Variants in ZNF662 observed in about 807,000 individuals in gnomAD.
The protein encoded by ZNF662 is zinc finger protein 662.
Under a neutral mutation model 12.4 loss-of-function variants are expected in ZNF662, and 14 were observed. The ratio of observed to expected loss-of-function variants is 1.13; its 90% CI spans 0.75 to 1.77. ZNF662 has a LOEUF of 1.77. Ranked by LOEUF, ZNF662 falls within the 40% of genes most tolerant of loss-of-function variation. ZNF662 has a pLI of 0.00. For synonymous variants in ZNF662, 184 were observed against 176.4 expected (o/e 1.04, Z -0.34); for missense variants, 550 against 515.6 (o/e 1.07, Z -0.65).
chr3:42,912,693 A>ATATATAAATATATATATATT (rs377231571), intron 3 of ZNF662, among the ~76,000 whole-genome samples: 1 of 53,094 alleles, frequency 1.9e-5, no homozygotes, highest in Admixed American at 4.1e-4. Context: ...ATATATATAT[A>ATATATAAATATATATATATT]TTTTATATAT....
rs1207052505 is a variant in ZNF662, at chr3:42,915,412, A to T, written c.*58A>T. On this transcript the variant is annotated 3_prime_UTR_variant, in exon 5 of 5. Coordinates refer to ENST00000440367, the MANE Select transcript of ZNF662 (RefSeq NM_207404.4). ...CTTATGCTGCAGGAACCCTAGAGAC[A>T]AAATGAGATGACCATTCACAATTTG... The T allele has an allele frequency of 6.8e-7, 1 of 1,469,870 alleles. No individual in the cohort carries two copies. Among genetic ancestry groups the T allele is most frequent in the Non-Finnish European group, 9.1e-7 (1 of 1,094,398 alleles). The allele number at this position is 1,469,870 out of a possible 1,614,324, so 91.1% of individuals were successfully genotyped here.
chr3:42,917,397 A>C lies in ZNF662; in HGVS notation c.*2043A>C, dbSNP rs937543412. ...ATATTATCTGTCCTCTGTGTGGCAC[A>C]TAGGAAAATGTGAGACCTAGAATTA... On this transcript the variant is annotated 3_prime_UTR_variant, in exon 5 of 5. Transcript: ENST00000440367. 1 of 653,096 alleles carries C rather than the reference A, an allele frequency of 1.5e-6. No individual in the cohort carries two copies. The highest frequency in any genetic ancestry group is 1.8e-5 in the African/African-American group (1 of 54,870). The allele number at this position is 653,096 out of a possible 1,614,324, so 40.5% of individuals were successfully genotyped here. A position where few individuals can be genotyped will look rare whatever the true frequency, so the allele number is the denominator to read the frequency against.
Position 42,915,284 on chromosome 3 carries a change from T to C in ZNF662, c.1211T>C (p.Ile404Thr), listed in dbSNP as rs571864808. ...GKAFSQNSVL[I>T]KHQRRHARDK... is the part of the protein sequence containing the mutation. Reference sequence around the variant, plus strand: ...GCCTTCAGTCAGAATTCTGTCTTAATTAAGCACCAGAGGCGCCATGCTAGA... The same window carrying C: ...GCCTTCAGTCAGAATTCTGTCTTAACTAAGCACCAGAGGCGCCATGCTAGA... The change falls in exon 5 of 5, where the codon ATT becomes ACT. Residue 404 changes from isoleucine (I) to threonine (T), a missense_variant. Ile to Thr is a moderately conservative substitution (Grantham distance 89). Coordinates refer to ENST00000440367, the MANE Select transcript of ZNF662 (RefSeq NM_207404.4). 3 of 1,612,816 alleles carry C rather than the reference T, an allele frequency of 1.9e-6. No homozygotes were observed. The African/African-American group carries it at 4.0e-5, about 22-fold the overall frequency.
rs972509860 is a variant in ZNF662, at chr3:42,917,470, G to A, written c.*2116G>A. 4 of 689,852 alleles carry A rather than the reference G, an allele frequency of 5.8e-6. No homozygotes were observed. The East Asian group carries it at 8.1e-5, about 14-fold the overall frequency. 42.7% of individuals were successfully genotyped at this position (689,852 alleles called of 1,614,324 possible). A position where few individuals can be genotyped will look rare whatever the true frequency, so the allele number is the denominator to read the frequency against. On this transcript the variant is annotated 3_prime_UTR_variant, in exon 5 of 5. Coordinates refer to ENST00000440367, the MANE Select transcript of ZNF662 (RefSeq NM_207404.4). Reference sequence around the variant, plus strand: ...AAAGGGGAGATTCTCAAGCTTCCAGGTGCTACCATATGGAGCCTAAGGATA... The same window carrying A: ...AAAGGGGAGATTCTCAAGCTTCCAGATGCTACCATATGGAGCCTAAGGATA...
At position 42,906,158 on chromosome 3, in the gene ZNF662, G is replaced by A. The variant is rs2088674978; in HGVS notation, c.-104G>A. The A allele has an allele frequency of 1.9e-6, 1 of 535,004 alleles. No individual in the cohort carries two copies. The highest frequency in any genetic ancestry group is 2.0e-5 in the African/African-American group (1 of 49,394). 33.1% of individuals were successfully genotyped at this position (535,004 alleles called of 1,614,324 possible). A position where few individuals can be genotyped will look rare whatever the true frequency, so the allele number is the denominator to read the frequency against. ...CCGAGCCCCGGCCTCCCGGATGCTGGGGCCTGGCGGGTGTGGAGCACGGGG... is the reference window on the plus strand; with the variant it reads ...CCGAGCCCCGGCCTCCCGGATGCTGAGGCCTGGCGGGTGTGGAGCACGGGG... On this transcript the variant is annotated 5_prime_UTR_variant, in exon 1 of 5. Coordinates refer to ENST00000440367, the MANE Select transcript of ZNF662 (RefSeq NM_207404.4). The surrounding 1 kb of genome is among the most constrained non-coding windows in gnomAD (Gnocchi z 4.4).
rs570570957 is a variant in ZNF662 at position 42,917,179 on chromosome 3, C to T, written c.*1825C>T. 8.4e-5 allele frequency: 27 copies of T among 321,762 alleles called. No homozygotes were observed. Among genetic ancestry groups the T allele is most frequent in the Middle Eastern group, 8.3e-4 (1 of 1,208 alleles). 19.9% of individuals were successfully genotyped at this position (321,762 alleles called of 1,614,324 possible). ...CCCCTTCTCTCTGGGAACAGTTACC[C>T]GGGTATTCTTTGGGAAGCTATCCTT... On this transcript the variant is annotated 3_prime_UTR_variant, in exon 5 of 5. Coordinates refer to ENST00000440367, the MANE Select transcript of ZNF662 (RefSeq NM_207404.4).
intron 2 of ZNF662, chr3:42,908,591 A>G: frequency 7.0e-6 from 10 of 1,421,314 alleles, no homozygotes; most frequent in Non-Finnish European, 9.2e-6. Flanking sequence ...TCAAACAGTT[A>G]CTGAGTCGTC....
rs1394063840 is a variant in ZNF662 at position 42,918,557 on chromosome 3, C to G, written c.*3203C>G. ...CATCATGGGCATGTTTAGGCAATCC[C>G]CCTGTGCACAATGACCTGGGCAGCA... On this transcript the variant is annotated 3_prime_UTR_variant, in exon 5 of 5. Transcript: ENST00000440367. 6.6e-6 allele frequency among the ~76,000 whole-genome samples: 1 copy of G among 152,158 alleles called. No homozygotes were observed. The highest frequency in any genetic ancestry group is 2.4e-5 in the African/African-American group (1 of 41,424).
intron 4 of ZNF662, 87 bp from the exon 5 acceptor site, chr3:42,914,240 G>A: frequency 8.3e-7 from 1 of 1,200,496 alleles, no homozygotes; most frequent in Non-Finnish European, 1.2e-6. Flanking sequence ...CACTTGGAGA[G>A]AAGTGGACGT....
rs1020749670 is a variant in ZNF662 at position 42,913,034 on chromosome 3, C to T, written c.152-167C>T. On this transcript the variant is annotated intron_variant, in intron 3 of 4. Transcript: ENST00000440367. ...CTGGGAATACAGGTGTGAGCCACCA[C>T]GCCCAGCCTATCCTTATTATTCTGT... 5.0e-4 allele frequency among the ~76,000 whole-genome samples: 76 copies of T among 152,060 alleles called. 1 individual carries two copies. The highest frequency in any genetic ancestry group is 4.6e-4 in the Admixed American group (7 of 15,258).
At position 42,914,872 on chromosome 3, in the gene ZNF662, C is replaced by A. The variant is rs1280599577; in HGVS notation, c.799C>A (p.Gln267Lys). Residue 267 changes from glutamine (Q) to lysine (K), a missense_variant, in exon 5 of 5, where the codon CAG (glutamine) becomes AAG (lysine). Transcript: ENST00000440367. Reference sequence around the variant, plus strand: ...TTGGAAGTCAAACCTGATTCGTCACCAGAGAATACATACTGGAGAGAAACC... The same window carrying A: ...TTGGAAGTCAAACCTGATTCGTCACAAGAGAATACATACTGGAGAGAAACC... Reference protein sequence around the residue: ...FVWKSNLIRHQRIHTGEKPFE... With the variant: ...FVWKSNLIRHKRIHTGEKPFE... The A allele has an allele frequency of 1.2e-6, 2 of 1,614,146 alleles. No individual in the cohort carries two copies. Among genetic ancestry groups the A allele is most frequent in the East Asian group, 2.2e-5 (1 of 44,872 alleles).
At chr3:42,910,227 C>G (rs559043694) in intron 3 of ZNF662, among the ~76,000 whole-genome samples, 111 of 152,190 alleles carry the variant, frequency 7.3e-4, no homozygotes, top group Non-Finnish European at 2.4e-4. Flanking sequence ...CGGCGCCCGC[C>G]TGCAATCCCA....
rs971476607 is a variant in ZNF662, at chr3:42,916,218, A to G, written c.*864A>G. The G allele has an allele frequency of 1.3e-5, 2 of 152,166 alleles. No individual in the cohort carries two copies. Among genetic ancestry groups the G allele is most frequent in the Admixed American group, 6.5e-5 (1 of 15,282 alleles). 9.4% of individuals were successfully genotyped at this position (152,166 alleles called of 1,614,324 possible). A position where few individuals can be genotyped will look rare whatever the true frequency, so the allele number is the denominator to read the frequency against. ...CAAGTGTTTATTAGTATTGCTTTTC[A>G]TAATTCTGTCTCACTGAAAACCTTA... On this transcript the variant is annotated 3_prime_UTR_variant, in exon 5 of 5. Coordinates refer to ENST00000440367, the MANE Select transcript of ZNF662 (RefSeq NM_207404.4).
In ZNF662 at chr3:42,914,307, G is replaced by T; in HGVS notation, c.254-20G>T. 6.4e-7 allele frequency: 1 copy of T among 1,567,422 alleles called. No homozygotes were observed. ...GTCATGGATAATGATGACATTTGAA[G>T]CTCCAATTTCTTTTTTCAGAGGGTG... On this transcript the variant is annotated intron_variant, in intron 4 of 4. Coordinates refer to ENST00000440367, the MANE Select transcript of ZNF662 (RefSeq NM_207404.4).
chr3:42,907,665 T>G, intron 1 of ZNF662: 2 of 984,088 alleles, frequency 2.0e-6, no homozygotes, highest in Non-Finnish European at 2.4e-6. Flanking sequence ...TAAATGATAG[T>G]TGTTATCAAG....
chr3:42,914,865 T>G lies in ZNF662; in HGVS notation c.792T>G (p.Ile264Met), dbSNP rs1283025943. The G allele has an allele frequency of 2.5e-6, 4 of 1,614,182 alleles. No individual in the cohort carries two copies. In the South Asian group the frequency reaches 4.4e-5, roughly 18 times the overall value. Residue 264 changes from isoleucine (I) to methionine (M), a missense_variant, in exon 5 of 5, where the codon ATT becomes ATG. Coordinates refer to ENST00000440367, the MANE Select transcript of ZNF662 (RefSeq NM_207404.4). ...CCTTTGTTTGGAAGTCAAACCTGAT[T>G]CGTCACCAGAGAATACATACTGGAG... ...AKAFVWKSNLIRHQRIHTGEK... is the reference protein window; with the variant it reads ...AKAFVWKSNLMRHQRIHTGEK...
rs1407981239 is a variant in ZNF662 at position 42,906,721 on chromosome 3, A to T, written c.-94+553A>T. On this transcript the variant is annotated intron_variant, in intron 1 of 4. Transcript: ENST00000440367. The surrounding 1 kb of genome is among the most constrained non-coding windows in gnomAD (Gnocchi z 4.4). ...CAGAGCTGCCTTTACAGAGCTGGTTATGTTTGAGCTGGGTATTAGGTTGAA... is the reference window on the plus strand; with the variant it reads ...CAGAGCTGCCTTTACAGAGCTGGTTTTGTTTGAGCTGGGTATTAGGTTGAA... Among the ~76,000 whole-genome samples, 1 of 152,156 alleles carries T rather than the reference A, an allele frequency of 6.6e-6. No individual in the cohort carries two copies. The highest frequency in any genetic ancestry group is 1.5e-5 in the Non-Finnish European group (1 of 68,012).
intron 4 of ZNF662, among the ~76,000 whole-genome samples, chr3:42,913,509 A>C (rs896778039): frequency 2.6e-5 from 4 of 152,198 alleles, no homozygotes; most frequent in African/African-American, 9.7e-5. Flanking sequence ...TTAAATTAGG[A>C]TGGGTCTTTT....
chr3:42,915,661 T>G lies in ZNF662; in HGVS notation c.*307T>G. On this transcript the variant is annotated 3_prime_UTR_variant, in exon 5 of 5. Transcript: ENST00000440367. Reference sequence around the variant, plus strand: ...CCATTTTACAAATGAGAAATCTGAGTTGAAAGAGGTTATAAAACTCATTCA... The same window carrying G: ...CCATTTTACAAATGAGAAATCTGAGGTGAAAGAGGTTATAAAACTCATTCA... 2 of 260,230 alleles carry G rather than the reference T, an allele frequency of 7.7e-6. No homozygotes were observed. The highest frequency in any genetic ancestry group is 1.5e-5 in the Non-Finnish European group (2 of 136,684). The allele number at this position is 260,230 out of a possible 1,614,324, so 16.1% of individuals were successfully genotyped here.
Sources: allele counts gnomAD v4.1 joint callset (sites outside exome capture counted in the v4.1 genomes callset), GRCh38; gene constraint gnomAD v4.1.1; non-coding constraint Gnocchi (gnomAD v3.1); transcripts MANE v1.5; gene names NCBI Gene and HGNC (gene_info 2026-07-23, HGNC 2026-07-21).